The following GRK7 variants were observed in gnomAD, a reference collection of about 807,000 sequenced individuals.
The protein encoded by GRK7 is rhodopsin kinase GRK7.
In GRK7, 24 loss-of-function variants were observed where a neutral mutation model predicts 34.1. The ratio of observed to expected loss-of-function variants is 0.70; its 90% CI spans 0.51 to 0.99. The LOEUF is 0.99. Ranked by LOEUF, GRK7 falls within the 50% of genes least tolerant of loss-of-function variation. The pLI is 0.00. For missense variants in GRK7, 644 were observed against 707.3 expected, an observed-to-expected ratio of 0.91 and a Z score of 1.02; for synonymous variants, 256 against 279.4, an observed-to-expected ratio of 0.92 and a Z score of 0.84.
upstream of GRK7, among the ~76,000 whole-genome samples, chr3:141,760,356 C>T (rs2084549914): frequency 7.2e-6 from 1 of 139,376 alleles, no homozygotes; most frequent in African/African-American, 2.8e-5. Flanking sequence ...TTATTTCTGC[C>T]TTCATTTCGT....
chr3:141,802,366 TCACACACACA>T (rs113029036), intron 4 of GRK7, among the ~76,000 whole-genome samples: 34 of 145,678 alleles, frequency 2.3e-4, no homozygotes, highest in South Asian at 6.8e-4. Flanking sequence ...TCTTTCTCTG[TCACACACACA>T]CACACACACA....
At chr3:141,768,772 T>C (rs2084602339) in intron 1 of GRK7, among the ~76,000 whole-genome samples, 1 of 152,116 alleles carries the variant, frequency 6.6e-6, no homozygotes, top group African/African-American at 2.4e-5. Context: ...CAGGAGCCAG[T>C]GGTTTCCATC....
chr3:141,800,352 T>C (rs1710944376), intron 4 of GRK7, among the ~76,000 whole-genome samples: 1 of 107,908 alleles, frequency 9.3e-6, no homozygotes, highest in Admixed American at 1.2e-4. Flanking sequence ...TAAATATGAA[T>C]GACTAGACAA....
At chr3:141,810,479 CT>C (rs1711082979) in intron 5 of GRK7, among the ~76,000 whole-genome samples, 2 of 152,094 alleles carry the variant, frequency 1.3e-5, no homozygotes, top group African/African-American at 4.8e-5. Flanking sequence ...CTCTTACCCT[CT>C]CACATTCAGT....
At chr3:141,762,684 C>T (rs1311556209), upstream of GRK7, among the ~76,000 whole-genome samples, 6 of 151,866 alleles carry the variant, frequency 4.0e-5, no homozygotes, top group African/African-American at 1.2e-4. Context: ...CTAAGCAAGC[C>T]TGGGCAATGG....
intron 4 of GRK7, among the ~76,000 whole-genome samples, chr3:141,786,549 A>G (rs150970087): frequency 6.6e-6 from 1 of 152,116 alleles, no homozygotes; most frequent in Non-Finnish European, 1.5e-5. Context: ...AGGCTGAGGC[A>G]GGCAGATCAT....
chr3:141,786,062 ACCTG>A (rs1195873908), intron 4 of GRK7, among the ~76,000 whole-genome samples: 1 of 152,180 alleles, frequency 6.6e-6, no homozygotes, highest in African/African-American at 2.4e-5. Context: ...ATCCACAGAT[ACCTG>A]CTTATAGCCC....
At chr3:141,766,003 C>A (rs113994599) in intron 1 of GRK7, among the ~76,000 whole-genome samples, 1 of 152,052 alleles carries the variant, frequency 6.6e-6, no homozygotes, top group African/African-American at 2.4e-5. Flanking sequence ...AAGGGTCAGG[C>A]CCACACTGTA....
Position 141,764,669 on chromosome 3 carries a change from C to T in GRK7, c.-1284C>T, listed in dbSNP as rs2084571607. On this transcript the variant is annotated 5_prime_UTR_variant, in exon 1 of 6. Transcript: ENST00000682958. ...AAGGCCATTTATATCTGGGGTGACT[C>T]CCAGTGAGTATCTCCAGCCCAGCCC... is the stretch of plus-strand genomic sequence containing the variant. Among the ~76,000 whole-genome samples, 1 of 152,114 alleles carries T rather than the reference C, an allele frequency of 6.6e-6. No individual in the cohort carries two copies. Among genetic ancestry groups the T allele is most frequent in the Non-Finnish European group, 1.5e-5 (1 of 68,022 alleles).
At chr3:141,804,628 C>T (rs1003966506) in intron 4 of GRK7, among the ~76,000 whole-genome samples, 2 of 151,024 alleles carry the variant, frequency 1.3e-5, no homozygotes, top group Admixed American at 6.6e-5. Context: ...CTCATACATA[C>T]ACACACTCAC....
the GRK7 span, among the ~76,000 whole-genome samples, chr3:141,756,502 C>G: frequency 6.6e-6 from 1 of 152,148 alleles, no homozygotes; most frequent in Non-Finnish European, 1.5e-5. Context: ...ATGATTGTCT[C>G]TCAGCGAGGG....
chr3:141,755,626 A>G, the GRK7 span, among the ~76,000 whole-genome samples: 5 of 152,208 alleles, frequency 3.3e-5, no homozygotes, highest in South Asian at 2.1e-4. Context: ...TAAAATCACA[A>G]TGAAACACCA....
chr3:141,799,868 G>A (rs1710933130), intron 4 of GRK7, among the ~76,000 whole-genome samples: 1 of 152,084 alleles, frequency 6.6e-6, no homozygotes, highest in African/African-American at 2.4e-5. Flanking sequence ...TTCATGGCAA[G>A]GTATGTTGTC....
chr3:141,775,178 T>A (rs989446462), intron 2 of GRK7, among the ~76,000 whole-genome samples: 7 of 152,078 alleles, frequency 4.6e-5, no homozygotes, highest in Non-Finnish European at 8.8e-5. Flanking sequence ...GGAGGGCGGA[T>A]CACTTGAGGT....
At chr3:141,754,432 CTTTTTT>C in the GRK7 span, among the ~76,000 whole-genome samples, 1 of 119,602 alleles carries the variant, frequency 8.4e-6, no homozygotes, top group African/African-American at 3.4e-5. Flanking sequence ...TCACCACTGT[CTTTTTT>C]TTTTTTTTTT....
intron 4 of GRK7, among the ~76,000 whole-genome samples, chr3:141,795,062 C>T (rs957033241): frequency 6.6e-6 from 1 of 152,012 alleles, no homozygotes; most frequent in Non-Finnish European, 1.5e-5. Context: ...AGGAAGGGCA[C>T]CCAGCCCAAC....
Position 141,807,774 on chromosome 3 carries a change from T to G in GRK7, c.1180T>G (p.Tyr394Asp), listed in dbSNP as rs1483634594. 1 of 1,614,142 alleles carries G rather than the reference T, an allele frequency of 6.2e-7. No individual in the cohort carries two copies. The highest frequency in any genetic ancestry group is 8.5e-7 in the Non-Finnish European group (1 of 1,180,010). ...MVAGRTPFKD[Y>D]KEKVSKEDLK... Reference sequence around the variant, plus strand: ...TGCTGGACGAACACCATTCAAAGATTACAAGGAAAAGGTCAGTAAAGAGGA... The same window carrying G: ...TGCTGGACGAACACCATTCAAAGATGACAAGGAAAAGGTCAGTAAAGAGGA... Residue 394 changes from tyrosine to aspartate, a missense_variant, in exon 5 of 6, where the codon TAC (tyrosine) becomes GAC (aspartate). Transcript: ENST00000682958.
chr3:141,785,763 CA>C (rs549296763), intron 4 of GRK7, among the ~76,000 whole-genome samples: 514 of 125,556 alleles, frequency 4.1e-3, no homozygotes, highest in African/African-American at 7.1e-3. Context: ...GAGTCTGTCT[CA>C]AAAAAAAAAA....
At chr3:141,771,176 A>G (rs1490057916) in intron 1 of GRK7, among the ~76,000 whole-genome samples, 1 of 152,120 alleles carries the variant, frequency 6.6e-6, no homozygotes. Context: ...GTATTCACCA[A>G]TGGGTGACTG....
Sources: allele counts gnomAD v4.1 joint callset (sites outside exome capture counted in the v4.1 genomes callset), GRCh38; gene constraint gnomAD v4.1.1; transcripts MANE v1.5; gene names NCBI Gene and HGNC (gene_info 2026-07-23, HGNC 2026-07-21).